FRMD4A: variants seen among roughly 807,000 people sequenced by gnomAD.
FRMD4A encodes FERM domain-containing protein 4A.
A neutral mutation model predicts 129.1 loss-of-function variants in FRMD4A; 29 were observed. The observed-to-expected ratio is 0.22, with a 90% CI of 0.17 to 0.31. The LOEUF (loss-of-function observed/expected upper bound fraction) is 0.31, where lower values mean the gene tolerates loss of function less well. Ranked by LOEUF, FRMD4A falls within the 10% of genes least tolerant of loss-of-function variation. The pLI, the probability that FRMD4A is intolerant of heterozygous loss-of-function variation, is 1.00. For synonymous variants in FRMD4A, 634 were observed against 571.6 expected (o/e 1.11, Z -1.56); for missense variants, 1,272 against 1,375.8 (o/e 0.92, Z 1.19).
At chr10:13,770,850 A>G (rs1309900094) in intron 6 of FRMD4A, among the ~76,000 whole-genome samples, 1 of 151,628 alleles carries the variant, frequency 6.6e-6, no homozygotes, top group Non-Finnish European at 1.5e-5. Flanking sequence ...CTTCTCTCAT[A>G]CCCCCTCTGT....
intron 2 of FRMD4A, among the ~76,000 whole-genome samples, chr10:14,191,081 G>T (rs1842303341): frequency 6.6e-6 from 1 of 152,100 alleles, no homozygotes; most frequent in Non-Finnish European, 1.5e-5. Context: ...GCAGTGAGAG[G>T]TTTCTTGTCT....
intron 2 of FRMD4A, among the ~76,000 whole-genome samples, chr10:14,106,163 G>T (rs1837576466): frequency 1.3e-5 from 2 of 152,096 alleles, no homozygotes; most frequent in Non-Finnish European, 2.9e-5. Context: ...TGTGACTGAT[G>T]AATTTATTTA....
At chr10:13,744,229 T>C (rs1588522074) in intron 9 of FRMD4A, among the ~76,000 whole-genome samples, 1 of 151,994 alleles carries the variant, frequency 6.6e-6, no homozygotes, top group East Asian at 1.9e-4. Flanking sequence ...ATAGGGGTGG[T>C]CAGGTGGTCC....
intron 2 of FRMD4A, among the ~76,000 whole-genome samples, chr10:13,869,919 G>A (rs762286750): frequency 6.6e-6 from 1 of 152,200 alleles, no homozygotes; most frequent in Non-Finnish European, 1.5e-5. Context: ...CTGGAAACAC[G>A]GATATCTTTG....
At chr10:14,164,042 G>C (rs2131874413) in intron 2 of FRMD4A, among the ~76,000 whole-genome samples, 1 of 152,322 alleles carries the variant, frequency 6.6e-6, no homozygotes, top group South Asian at 2.1e-4. Context: ...GGGCCATCCA[G>C]ACAGCTCCCA....
chr10:14,143,744 A>G (rs1048493305), intron 2 of FRMD4A, among the ~76,000 whole-genome samples: 1 of 151,906 alleles, frequency 6.6e-6, no homozygotes, highest in Non-Finnish European at 1.5e-5. Context: ...CCTCCCCAGT[A>G]TCTGGGATTA....
intron 6 of FRMD4A, among the ~76,000 whole-genome samples, chr10:13,774,055 C>G (rs1180687573): frequency 2.6e-5 from 4 of 152,216 alleles, no homozygotes; most frequent in Non-Finnish European, 5.9e-5. Context: ...CCAATGTCCT[C>G]TCTATCACCC....
At chr10:14,143,335 G>A (rs1839928283) in intron 2 of FRMD4A, among the ~76,000 whole-genome samples, 1 of 152,232 alleles carries the variant, frequency 6.6e-6, no homozygotes. Flanking sequence ...GGCTACACAT[G>A]GGTGAAACTT....
chr10:14,209,183 G>C (rs1357285640), intron 2 of FRMD4A, among the ~76,000 whole-genome samples: 1 of 151,850 alleles, frequency 6.6e-6, no homozygotes. Context: ...CCTCCTCTGT[G>C]TGTCTCTCCT....
At chr10:13,737,978 AAC>A (rs1356076340) in intron 11 of FRMD4A, 48 bp from the exon 12 acceptor site, 3 of 1,017,686 alleles carry the variant, frequency 2.9e-6, no homozygotes, top group Middle Eastern at 2.2e-4. Flanking sequence ...GGAGGAAGTA[AAC>A]ACACGCAAAG....
intron 2 of FRMD4A, among the ~76,000 whole-genome samples, chr10:14,167,475 T>A (rs929623610): frequency 2.9e-5 from 4 of 138,168 alleles, no homozygotes; most frequent in Admixed American, 8.3e-5. Context: ...AGGCAGAAGT[T>A]GCAGTGAGCT....
intron 2 of FRMD4A, among the ~76,000 whole-genome samples, chr10:14,114,698 T>TG (rs1838108055): frequency 6.6e-6 from 1 of 152,178 alleles, no homozygotes; most frequent in Non-Finnish European, 1.5e-5. Context: ...AATGCCTCTT[T>TG]GGGGTCAGCT....
rs543632971 is a variant in FRMD4A, at chr10:13,966,105, G to A, written c.46-107193C>T. Among the ~76,000 whole-genome samples the A allele has an allele frequency of 5.9e-5, 9 of 151,928 alleles. 1 individual carries two copies. The highest frequency in any genetic ancestry group is 9.7e-5 in the African/African-American group (4 of 41,450). Reference sequence around the variant, plus strand: ...GCTCACTGCGACCTCTCGAACTCCCGACCTCCCGGGTTCAAGCGATTCTCC... The same window carrying A: ...GCTCACTGCGACCTCTCGAACTCCCAACCTCCCGGGTTCAAGCGATTCTCC... On this transcript the variant is annotated intron_variant, in intron 2 of 24. Transcript: ENST00000357447.
chr10:13,684,495 T>C, intron 15 of FRMD4A: 1 of 985,230 alleles, frequency 1.0e-6, no homozygotes. Flanking sequence ...GAGGAGCGGA[T>C]GTGGAGGCAA....
intron 4 of FRMD4A, among the ~76,000 whole-genome samples, chr10:13,808,227 A>G (rs2093389268): frequency 6.6e-6 from 1 of 152,264 alleles, no homozygotes; most frequent in Admixed American, 6.5e-5. Context: ...TAGGAAATAG[A>G]CAAATACATG....
chr10:14,285,367 G>C (rs1845649118), intron 2 of FRMD4A, among the ~76,000 whole-genome samples: 1 of 152,218 alleles, frequency 6.6e-6, no homozygotes, highest in African/African-American at 2.4e-5. Context: ...AAAAGATGCA[G>C]GTGAAAAACA....
At chr10:13,824,695 C>G (rs1322768924) in intron 3 of FRMD4A, among the ~76,000 whole-genome samples, 7 of 151,926 alleles carry the variant, frequency 4.6e-5, no homozygotes, top group Admixed American at 2.6e-4. Flanking sequence ...GAATTTGAGA[C>G]CAGCCTGACC....
At chr10:14,094,292 G>A (rs58376266) in intron 2 of FRMD4A, among the ~76,000 whole-genome samples, 16,286 of 152,268 alleles carry the variant, frequency 0.11, 1,236 homozygotes, top group East Asian at 0.31. Context: ...AAGGGTGCGT[G>A]GAATGATGAG....
At chr10:14,226,934 A>T (rs1389583875) in intron 2 of FRMD4A, among the ~76,000 whole-genome samples, 4 of 151,942 alleles carry the variant, frequency 2.6e-5, no homozygotes, top group African/African-American at 9.7e-5. Context: ...AACACCTGAC[A>T]TTGCCCTTAA....
Sources: allele counts gnomAD v4.1 joint callset (sites outside exome capture counted in the v4.1 genomes callset), GRCh38; gene constraint gnomAD v4.1.1; transcripts MANE v1.5; gene names NCBI Gene and HGNC (gene_info 2026-07-23, HGNC 2026-07-21).